Variants in PPP2R5C observed in about 807,000 individuals in gnomAD.
The protein encoded by PPP2R5C is serine/threonine-protein phosphatase 2A 56 kDa regulatory subunit gamma isoform.
PPP2R5C carries 7 observed loss-of-function variants against 68.9 expected under a neutral mutation model. That is an observed-to-expected ratio of 0.10 (90% confidence interval 0.06 to 0.19). PPP2R5C has a LOEUF of 0.19. Ranked by LOEUF, PPP2R5C falls within the 10% of genes least tolerant of loss-of-function variation. The pLI is 1.00. For missense variants in PPP2R5C, 348 were observed against 641.3 expected (o/e 0.54, Z 4.94); for synonymous variants, 210 against 222.2 (o/e 0.95, Z 0.49).
At chr14:101,804,444 C>T (rs542268432) in intron 3 of PPP2R5C, among the ~76,000 whole-genome samples, 2 of 152,104 alleles carry the variant, frequency 1.3e-5, no homozygotes, top group Admixed American at 6.5e-5. Flanking sequence ...GCATTGTTGA[C>T]AATAGCTAAG....
rs372830397 is a variant in PPP2R5C, at chr14:101,880,201, G to A, written c.295-1960G>A. ...ACCAGTGAGAGTCAGGTTAACTCTC[G>A]GTTTTAGATTGCAAACTTTTGTCTT... is the stretch of plus-strand genomic sequence containing the variant. On this transcript the variant is annotated intron_variant, in intron 2 of 13. Transcript: ENST00000334743. Among the ~76,000 whole-genome samples, 75 of 152,292 alleles carry A rather than the reference G, an allele frequency of 4.9e-4. 1 individual carries two copies. In the South Asian group the frequency reaches 0.012, roughly 24 times the overall value.
chr14:101,761,052 G>GTC (rs1478472007), upstream of PPP2R5C, among the ~76,000 whole-genome samples: 1 of 136,830 alleles, frequency 7.3e-6, no homozygotes, highest in African/African-American at 2.8e-5. Context: ...GGGACGGAGG[G>GTC]GAGGGGAGTG....
chr14:101,839,569 A>G (rs1468408665), intron 1 of PPP2R5C: 1 of 152,448 alleles, frequency 6.6e-6, no homozygotes, highest in East Asian at 1.9e-4. Context: ...CTGTGATCCC[A>G]TGTCCTGGAA....
chr14:101,913,429 G>A lies in PPP2R5C; in HGVS notation c.1326+956G>A, dbSNP rs1241161920. Among the ~76,000 whole-genome samples, 1 of 152,166 alleles carries A rather than the reference G, an allele frequency of 6.6e-6. No individual in the cohort carries two copies. The highest frequency in any genetic ancestry group is 1.5e-5 in the Non-Finnish European group (1 of 68,046). ...TACCTATATAACAACATACTGGTTT[G>A]TATACTCTGATAAAACTGCAATCAG... On this transcript the variant is annotated intron_variant, in intron 12 of 13. Coordinates refer to ENST00000334743, the Ensembl canonical transcript of PPP2R5C. The surrounding 1 kb of genome is among the most constrained non-coding windows in gnomAD (Gnocchi z 4.1).
intron 2 of PPP2R5C, among the ~76,000 whole-genome samples, chr14:101,769,116 G>T (rs1279829963): frequency 6.6e-6 from 1 of 152,224 alleles, no homozygotes; most frequent in Non-Finnish European, 1.5e-5. Context: ...GAGCCACTGT[G>T]CCCAGCCCCT....
chr14:101,760,659 C>T, upstream of PPP2R5C: 1 of 938,450 alleles, frequency 1.1e-6, no homozygotes, highest in Non-Finnish European at 1.2e-6. Flanking sequence ...GAGGGCGGGA[C>T]CAACCAGGGA....
At chr14:101,855,016 G>A (rs774907683) in intron 1 of PPP2R5C, among the ~76,000 whole-genome samples, 63 of 151,886 alleles carry the variant, frequency 4.1e-4, no homozygotes, top group Non-Finnish European at 8.5e-4. Flanking sequence ...CTAAAAATAC[G>A]AAAATTAGCT....
At chr14:101,777,887 C>T (rs113325522) in intron 2 of PPP2R5C, among the ~76,000 whole-genome samples, 2,003 of 152,216 alleles carry the variant, frequency 0.013, 44 homozygotes, top group African/African-American at 0.045. Context: ...GTCCTCTCGC[C>T]TCAGCTTCCT....
At chr14:101,852,382 A>G (rs1193673236) in intron 1 of PPP2R5C, among the ~76,000 whole-genome samples, 1 of 152,084 alleles carries the variant, frequency 6.6e-6, no homozygotes, top group Non-Finnish European at 1.5e-5. Flanking sequence ...TCTATTTATC[A>G]CTGATTAATA....
At chr14:101,890,984 G>T (rs2044856843) in intron 6 of PPP2R5C, among the ~76,000 whole-genome samples, 2 of 151,856 alleles carry the variant, frequency 1.3e-5, no homozygotes, top group Admixed American at 1.3e-4. Flanking sequence ...TGTTGCCCAG[G>T]CTGGTCTCGA....
exon 14 of PPP2R5C, chr14:101,927,719 A>C (rs989820753): frequency 2.0e-5 from 3 of 152,680 alleles, no homozygotes; most frequent in Non-Finnish European, 4.4e-5. Flanking sequence ...GTACAGAATA[A>C]AAAAGTTCAT....
upstream of PPP2R5C, among the ~76,000 whole-genome samples, chr14:101,761,481 G>A (rs939745227): frequency 2.1e-4 from 29 of 137,088 alleles, no homozygotes; most frequent in African/African-American, 1.0e-3. Context: ...GGGCGTGAAC[G>A]GGTCGCGCGG....
chr14:101,836,702 C>T, intron 1 of PPP2R5C: 1 of 266,424 alleles, frequency 3.8e-6, no homozygotes, highest in Non-Finnish European at 7.1e-6. Flanking sequence ...GATCTTCTAA[C>T]TTTGGCTTTA....
intron 1 of PPP2R5C, among the ~76,000 whole-genome samples, chr14:101,840,799 G>A (rs1038676349): frequency 1.3e-5 from 2 of 152,182 alleles, no homozygotes; most frequent in Non-Finnish European, 2.9e-5. Flanking sequence ...GTGTTATGCA[G>A]AACCAGACAT....
intron 2 of PPP2R5C, among the ~76,000 whole-genome samples, chr14:101,775,830 AC>A (rs1293456840): frequency 1.3e-5 from 2 of 151,192 alleles, no homozygotes; most frequent in African/African-American, 4.9e-5. Flanking sequence ...GTCTCCAGAC[AC>A]CCCCACCACC....
chr14:101,783,937 C>T (rs2037965164), intron 2 of PPP2R5C, among the ~76,000 whole-genome samples: 1 of 152,204 alleles, frequency 6.6e-6, no homozygotes, highest in Admixed American at 6.5e-5. Context: ...GGAGCAGAAA[C>T]CTGTCTAACT....
chr14:101,774,364 T>C (rs1464326598), intron 2 of PPP2R5C, among the ~76,000 whole-genome samples: 1 of 152,218 alleles, frequency 6.6e-6, no homozygotes, highest in Non-Finnish European at 1.5e-5. Context: ...AGAATCCCTT[T>C]TTCTTGTCAT....
intron 5 of PPP2R5C, among the ~76,000 whole-genome samples, chr14:101,885,720 C>T (rs576974274): frequency 7.9e-5 from 12 of 152,350 alleles, no homozygotes; most frequent in African/African-American, 2.4e-4. Flanking sequence ...TTAACTATAA[C>T]AGAGAATGAT....
intron 2 of PPP2R5C, among the ~76,000 whole-genome samples, chr14:101,857,967 A>G (rs1313329730): frequency 6.6e-6 from 1 of 152,210 alleles, no homozygotes; most frequent in African/African-American, 2.4e-5. Flanking sequence ...GTTGTAGTTC[A>G]GTCTACTGTG....
Sources: gnomAD v4.1 joint callset for allele counts (sites outside exome capture counted in the v4.1 genomes callset) on GRCh38, gnomAD v4.1.1 for gene constraint, Gnocchi (gnomAD v3.1) non-coding constraint, MANE v1.5 for transcripts, NCBI Gene and HGNC (gene_info 2026-07-23, HGNC 2026-07-21) for gene names.